Variants in PDE4D observed in about 807,000 individuals in gnomAD.
PDE4D encodes phosphodiesterase 4D, also known as 3',5'-cyclic-AMP phosphodiesterase 4D.
PDE4D carries 24 observed loss-of-function variants against 87.4 expected under a neutral mutation model. The observed-to-expected ratio is 0.27, with a 90% CI of 0.20 to 0.39. The LOEUF (loss-of-function observed/expected upper bound fraction) is 0.39. Ranked by LOEUF, PDE4D falls within the 10% of genes least tolerant of loss-of-function variation. PDE4D has a pLI of 1.00. For synonymous variants in PDE4D, 384 were observed against 383.2 expected (o/e 1.00, Z -0.02); for missense variants, 714 against 1,041.0 (o/e 0.69, Z 4.32).
At chr5:59,469,740 T>C (rs558600631) in intron 1 of PDE4D, among the ~76,000 whole-genome samples, 2 of 152,184 alleles carry the variant, frequency 1.3e-5, no homozygotes, top group East Asian at 1.9e-4. Context: ...CAAAAGAATA[T>C]GGGACTTTTG....
chr5:59,375,872 G>T (rs1784634061), intron 1 of PDE4D, among the ~76,000 whole-genome samples: 1 of 152,158 alleles, frequency 6.6e-6, no homozygotes, highest in African/African-American at 2.4e-5. Context: ...GAGATGCAAG[G>T]TTGGTTCAAC....
chr5:59,795,855 G>A (rs1457354518), intron 1 of PDE4D, among the ~76,000 whole-genome samples: 1 of 152,178 alleles, frequency 6.6e-6, no homozygotes, highest in Non-Finnish European at 1.5e-5. Context: ...GGTCATTAGA[G>A]TGGGCCTTAT....
At chr5:60,157,917 CTTCCTTCCCTCT>C (rs1036460045) in intron 2 of PDE4D, among the ~76,000 whole-genome samples, 1 of 147,710 alleles carries the variant, frequency 6.8e-6, no homozygotes, top group African/African-American at 2.5e-5. Context: ...TCCTTCCTTC[CTTCCTTCCCTCT>C]CTTTCTCACC....
chr5:60,105,567 C>A (rs1464364465), intron 2 of PDE4D, among the ~76,000 whole-genome samples: 2 of 152,098 alleles, frequency 1.3e-5, no homozygotes. Flanking sequence ...TTGTCAGATT[C>A]ACCAAAGTTG....
chr5:60,032,216 A>G (rs1411647827), intron 2 of PDE4D, among the ~76,000 whole-genome samples: 1 of 152,218 alleles, frequency 6.6e-6, no homozygotes, highest in Non-Finnish European at 1.5e-5. Context: ...TGATGAAGAT[A>G]GTACAAACAT....
At chr5:59,574,116 A>T (rs1202160) in intron 1 of PDE4D, among the ~76,000 whole-genome samples, 17 of 3,710 alleles carry the variant, frequency 4.6e-3, no homozygotes, top group African/African-American at 8.6e-3. Context: ...ATATATATAT[A>T]TAAATATATA....
chr5:59,174,567 T>C (rs1783527112), intron 5 of PDE4D: 1 of 152,600 alleles, frequency 6.6e-6, no homozygotes, highest in African/African-American at 2.4e-5. Context: ...GCAGTAGATA[T>C]AATCAAAATA....
intron 1 of PDE4D, among the ~76,000 whole-genome samples, chr5:59,651,474 T>C (rs1026072347): frequency 1.3e-5 from 2 of 151,944 alleles, no homozygotes; most frequent in African/African-American, 4.8e-5. Flanking sequence ...TATCTGACCT[T>C]CCTTCCAAAA....
At chr5:59,712,355 T>C (rs1297796497) in intron 1 of PDE4D, among the ~76,000 whole-genome samples, 1 of 147,046 alleles carries the variant, frequency 6.8e-6, no homozygotes, top group African/African-American at 2.5e-5. Context: ...ATCAGATAAC[T>C]ACATTATACA....
intron 1 of PDE4D, among the ~76,000 whole-genome samples, chr5:59,294,015 C>T (rs1768562425): frequency 6.6e-6 from 1 of 152,176 alleles, no homozygotes; most frequent in African/African-American, 2.4e-5. Context: ...GAACATTTGT[C>T]TTCTCAACCT....
chr5:60,161,946 G>A (rs982875853), intron 2 of PDE4D, among the ~76,000 whole-genome samples: 1 of 151,984 alleles, frequency 6.6e-6, no homozygotes, highest in Non-Finnish European at 1.5e-5. Flanking sequence ...GCAGAACCCT[G>A]GTCTTCAAGA....
intron 1 of PDE4D, among the ~76,000 whole-genome samples, chr5:60,239,933 A>C (rs1048910743): frequency 6.6e-6 from 1 of 152,024 alleles, no homozygotes. Flanking sequence ...TTTTACCTAC[A>C]ATGCTGGCTA....
At chr5:60,292,981 T>C (rs1321272499) in intron 1 of PDE4D, among the ~76,000 whole-genome samples, 1 of 152,066 alleles carries the variant, frequency 6.6e-6, no homozygotes, top group Non-Finnish European at 1.5e-5. Flanking sequence ...AGTTTCCTTA[T>C]GAAATATTTA....
At chr5:59,279,470 G>T (rs1328514233) in intron 1 of PDE4D, among the ~76,000 whole-genome samples, 1 of 151,992 alleles carries the variant, frequency 6.6e-6, no homozygotes. Context: ...CTTTCCTACT[G>T]GCATGAACCT....
chr5:59,704,704 T>C (rs1489240199), intron 1 of PDE4D, among the ~76,000 whole-genome samples: 6 of 152,176 alleles, frequency 3.9e-5, no homozygotes, highest in Admixed American at 2.0e-4. Flanking sequence ...AGATCAGCAA[T>C]AAACATTTAC....
At chr5:59,088,484 T>C (rs1352625087) in intron 5 of PDE4D, among the ~76,000 whole-genome samples, 1 of 152,116 alleles carries the variant, frequency 6.6e-6, no homozygotes, top group Non-Finnish European at 1.5e-5. Flanking sequence ...CATTCTATTA[T>C]AAAGACACAT....
At chr5:60,256,932 C>T (rs762083110) in intron 1 of PDE4D, among the ~76,000 whole-genome samples, 57 of 151,900 alleles carry the variant, frequency 3.8e-4, no homozygotes, top group Non-Finnish European at 7.1e-4. Context: ...CACACACATA[C>T]ACACATGCAC....
chr5:60,379,804 G>A (rs1032362984), intron 1 of PDE4D, among the ~76,000 whole-genome samples: 1 of 152,056 alleles, frequency 6.6e-6, no homozygotes, highest in African/African-American at 2.4e-5. Flanking sequence ...GCATGGACTG[G>A]GTTTCAGCCT....
intron 5 of PDE4D, among the ~76,000 whole-genome samples, chr5:59,048,232 TAA>T (rs536748856): frequency 6.6e-6 from 1 of 152,326 alleles, no homozygotes; most frequent in African/African-American, 2.4e-5. Flanking sequence ...CAAACAGGTT[TAA>T]AAAAAGTTAC....
Sources: gnomAD v4.1 joint callset for allele counts (sites outside exome capture counted in the v4.1 genomes callset) on GRCh38, gnomAD v4.1.1 for gene constraint, MANE v1.5 for transcripts, NCBI Gene and HGNC (gene_info 2026-07-23, HGNC 2026-07-21) for gene names.